Variants in NR3C2 observed in about 807,000 individuals in gnomAD.
NR3C2 encodes the protein mineralocorticoid receptor.
Under a neutral mutation model 86.4 loss-of-function variants are expected in NR3C2, and 15 were observed. The ratio of observed to expected loss-of-function variants is 0.17; its 90% CI spans 0.12 to 0.27. The LOEUF (loss-of-function observed/expected upper bound fraction) is 0.27, where lower values mean the gene tolerates loss of function less well. Among genes scored for constraint, NR3C2 ranks in the 10% least tolerant of loss-of-function variants. The probability of loss-of-function intolerance (pLI) is 1.00; values close to 1 mark genes in which losing one functional copy is unlikely to be tolerated. For synonymous variants in NR3C2, 458 were observed against 450.5 expected (o/e 1.02, Z -0.21); for missense variants, 960 against 1,195.6 (o/e 0.80, Z 2.91).
chr4:148,136,783 A>G (rs991051179), intron 6 of NR3C2, among the ~76,000 whole-genome samples: 10 of 152,048 alleles, frequency 6.6e-5, no homozygotes, highest in African/African-American at 2.4e-4. Context: ...AGTAGCTGCC[A>G]CCTGCTTTTT....
At chr4:148,299,957 C>A (rs898642158) in intron 2 of NR3C2, among the ~76,000 whole-genome samples, 1 of 152,106 alleles carries the variant, frequency 6.6e-6, no homozygotes, top group Non-Finnish European at 1.5e-5. Context: ...TTTTGATTAT[C>A]GAAAGGGATT....
chr4:148,089,158 A>G (rs1191005515), intron 8 of NR3C2, among the ~76,000 whole-genome samples: 2 of 152,258 alleles, frequency 1.3e-5, no homozygotes, highest in African/African-American at 4.8e-5. Flanking sequence ...AATACAAACC[A>G]GGAATCAAGA....
intron 2 of NR3C2, among the ~76,000 whole-genome samples, chr4:148,398,708 TATAA>T: frequency 6.6e-6 from 1 of 152,332 alleles, no homozygotes; most frequent in South Asian, 2.1e-4. Flanking sequence ...ATGTAAGACA[TATAA>T]ATCTGTAAAC....
intron 6 of NR3C2, among the ~76,000 whole-genome samples, chr4:148,143,716 C>T (rs1184906227): frequency 4.6e-5 from 7 of 152,034 alleles, no homozygotes; most frequent in African/African-American, 1.4e-4. Context: ...GAGGCCGAGG[C>T]GGGTGGATCA....
chr4:148,337,348 A>G (rs771190706), intron 2 of NR3C2, among the ~76,000 whole-genome samples: 2 of 152,090 alleles, frequency 1.3e-5, no homozygotes, highest in Non-Finnish European at 2.9e-5. Flanking sequence ...TGTGATTAGA[A>G]TATTCTTCCC....
At chr4:148,424,828 A>G (rs1749450342) in intron 2 of NR3C2, among the ~76,000 whole-genome samples, 1 of 152,198 alleles carries the variant, frequency 6.6e-6, no homozygotes, top group African/African-American at 2.4e-5. Context: ...TCTGCATCTC[A>G]ATTGGGTGGT....
In NR3C2 at chr4:148,079,044, C is replaced by A. The variant is rs978618282; in HGVS notation, c.*2300G>T. On this transcript the variant is annotated 3_prime_UTR_variant, in exon 9 of 9. Coordinates refer to ENST00000358102, the MANE Select transcript of NR3C2 (RefSeq NM_000901.5). ...AATCAAGCAAAGTTACCTGGAGACA[C>A]ACAAAGAGCCAGTAACTTTGTTAAT... The A allele has an allele frequency of 6.6e-5, 10 of 152,590 alleles. No homozygotes were observed. The highest frequency in any genetic ancestry group is 2.4e-4 in the African/African-American group (10 of 41,426). The allele number at this position is 152,590 out of a possible 1,614,324, so 9.5% of individuals were successfully genotyped here.
intron 2 of NR3C2, among the ~76,000 whole-genome samples, chr4:148,297,362 T>C (rs910411110): frequency 1.3e-5 from 2 of 152,274 alleles, no homozygotes; most frequent in African/African-American, 4.8e-5. Flanking sequence ...CAAAAGACTA[T>C]GCATTTTCTT....
intron 6 of NR3C2, among the ~76,000 whole-genome samples, chr4:148,140,433 T>C (rs1001802122): frequency 1.3e-5 from 2 of 152,066 alleles, no homozygotes; most frequent in African/African-American, 4.8e-5. Context: ...ACTTGAGAGG[T>C]TGAGGCAGGA....
At chr4:148,156,461 C>T (rs1272795178) in intron 4 of NR3C2, among the ~76,000 whole-genome samples, 1 of 152,172 alleles carries the variant, frequency 6.6e-6, no homozygotes, top group Non-Finnish European at 1.5e-5. Context: ...AGGATATGAA[C>T]AGACACTTCT....
At chr4:148,312,939 T>C (rs1742974921) in intron 2 of NR3C2, among the ~76,000 whole-genome samples, 1 of 152,180 alleles carries the variant, frequency 6.6e-6, no homozygotes, top group Admixed American at 6.5e-5. Context: ...ATGATTCACC[T>C]TTGAACTACT....
At chr4:148,103,043 T>C (rs1731611288) in intron 8 of NR3C2, among the ~76,000 whole-genome samples, 1 of 152,166 alleles carries the variant, frequency 6.6e-6, no homozygotes, top group South Asian at 2.1e-4. Flanking sequence ...ACATTCTCTA[T>C]TTCTCAAAAT....
intron 2 of NR3C2, among the ~76,000 whole-genome samples, chr4:148,337,607 A>G (rs566512525): frequency 1.3e-5 from 2 of 152,346 alleles, no homozygotes; most frequent in South Asian, 4.1e-4. Context: ...TTTTGTTAAA[A>G]TGATTTAATT....
At chr4:148,317,139 T>C (rs1026216940) in intron 2 of NR3C2, among the ~76,000 whole-genome samples, 50 of 152,268 alleles carry the variant, frequency 3.3e-4, no homozygotes, top group Non-Finnish European at 1.8e-4. Flanking sequence ...TTAAAACTTA[T>C]AAATGTATTC....
At chr4:148,233,786 C>T (rs1412081543) in intron 3 of NR3C2, among the ~76,000 whole-genome samples, 1 of 152,076 alleles carries the variant, frequency 6.6e-6, no homozygotes, top group Admixed American at 6.5e-5. Context: ...TGGTTTGTGG[C>T]ACCCCAAAGC....
chr4:148,276,720 A>T (rs183808497), intron 2 of NR3C2, among the ~76,000 whole-genome samples: 14 of 152,342 alleles, frequency 9.2e-5, no homozygotes, highest in Non-Finnish European at 2.1e-4. Flanking sequence ...ACAAACGTCA[A>T]TCATTCAAAT....
intron 2 of NR3C2, among the ~76,000 whole-genome samples, chr4:148,311,592 C>T (rs755076947): frequency 6.6e-6 from 1 of 152,216 alleles, no homozygotes; most frequent in Non-Finnish European, 1.5e-5. Flanking sequence ...GATTCCATAC[C>T]TTGGCCCCTG....
intron 2 of NR3C2, among the ~76,000 whole-genome samples, chr4:148,344,100 C>T (rs980734978): frequency 1.3e-5 from 2 of 152,152 alleles, no homozygotes; most frequent in Non-Finnish European, 2.9e-5. Context: ...TTCCAAAGTC[C>T]TTATTCGTCT....
chr4:148,268,237 C>A (rs1003236875), intron 2 of NR3C2, among the ~76,000 whole-genome samples: 2 of 152,128 alleles, frequency 1.3e-5, no homozygotes, highest in Non-Finnish European at 2.9e-5. Flanking sequence ...CTGTGCCTGG[C>A]CTTGAGTCAC....
Sources: gnomAD v4.1 joint callset for allele counts (sites outside exome capture counted in the v4.1 genomes callset) on GRCh38, gnomAD v4.1.1 for gene constraint, MANE v1.5 for transcripts, NCBI Gene and HGNC (gene_info 2026-07-23, HGNC 2026-07-21) for gene names.